RUNX2: variants seen among roughly 807,000 people sequenced by gnomAD.
RUNX2 encodes the protein RUNX family transcription factor 2.
Under a neutral mutation model 51.7 loss-of-function variants are expected in RUNX2, and 10 were observed. The ratio of observed to expected loss-of-function variants is 0.19; its 90% CI spans 0.12 to 0.33. RUNX2 has a LOEUF of 0.33. Among genes scored for constraint, RUNX2 ranks in the 10% least tolerant of loss-of-function variants. RUNX2 has a pLI of 1.00. For synonymous variants in RUNX2, 276 were observed against 273.6 expected, an observed-to-expected ratio of 1.01 and a Z score of -0.09; for missense variants, 562 against 691.3, an observed-to-expected ratio of 0.81 and a Z score of 2.10.
intron 2 of RUNX2, among the ~76,000 whole-genome samples, chr6:45,407,694 C>A (rs1295376407): frequency 1.3e-5 from 2 of 151,894 alleles, no homozygotes; most frequent in Non-Finnish European, 2.9e-5. Context: ...AGACAGAGGT[C>A]TCGCTATGTT....
intron 2 of RUNX2, among the ~76,000 whole-genome samples, chr6:45,350,479 A>C (rs1219546961): frequency 6.6e-6 from 1 of 152,230 alleles, no homozygotes; most frequent in African/African-American, 2.4e-5. Context: ...CAAAGGAAGC[A>C]GGGAATTGGT....
chr6:45,497,358 A>G (rs1464412002), intron 6 of RUNX2, among the ~76,000 whole-genome samples: 1 of 152,154 alleles, frequency 6.6e-6, no homozygotes, highest in African/African-American at 2.4e-5. Context: ...CCCTTCACTC[A>G]GGAGTAGATT....
At chr6:45,424,621 A>G (rs1798334348) in intron 3 of RUNX2, among the ~76,000 whole-genome samples, 1 of 152,120 alleles carries the variant, frequency 6.6e-6, no homozygotes, top group African/African-American at 2.4e-5. Flanking sequence ...GGCCACTGAC[A>G]GTTCCCAGTT....
chr6:45,384,177 T>C (rs1338725169), intron 2 of RUNX2, among the ~76,000 whole-genome samples: 1 of 152,186 alleles, frequency 6.6e-6, no homozygotes, highest in Non-Finnish European at 1.5e-5. Context: ...GGAAGGTTGA[T>C]ATCAGATTTA....
intron 2 of RUNX2, among the ~76,000 whole-genome samples, chr6:45,419,910 G>A (rs780467717): frequency 6.6e-6 from 1 of 152,102 alleles, no homozygotes; most frequent in Non-Finnish European, 1.5e-5. Flanking sequence ...GGCAGGCGGC[G>A]GCTGTGGGGC....
chr6:45,416,470 G>A (rs1798070617), intron 2 of RUNX2, among the ~76,000 whole-genome samples: 1 of 152,192 alleles, frequency 6.6e-6, no homozygotes, highest in Non-Finnish European at 1.5e-5. Flanking sequence ...CAATATGTGA[G>A]CAGCTGGGTA....
intron 5 of RUNX2, among the ~76,000 whole-genome samples, chr6:45,463,235 C>T (rs186428359): frequency 6.6e-6 from 1 of 152,264 alleles, no homozygotes; most frequent in African/African-American, 2.4e-5. Flanking sequence ...AAAATGCATA[C>T]CATTACTCTC....
intron 8 of RUNX2, among the ~76,000 whole-genome samples, 167 bp from the exon 9 acceptor site, chr6:45,546,660 G>A (rs570253312): frequency 1.3e-5 from 2 of 152,100 alleles, no homozygotes; most frequent in African/African-American, 2.4e-5. Context: ...CTGCAAAGTG[G>A]GGGAAAAAGA....
chr6:45,509,334 CTTGTA>C (rs1475171383), intron 6 of RUNX2, among the ~76,000 whole-genome samples: 1 of 152,128 alleles, frequency 6.6e-6, no homozygotes, highest in African/African-American at 2.4e-5. Context: ...ATAGATAGCT[CTTGTA>C]TTTATTATAT....
chr6:45,510,907 A>T (rs1801123626), intron 6 of RUNX2, among the ~76,000 whole-genome samples: 1 of 152,150 alleles, frequency 6.6e-6, no homozygotes, highest in Non-Finnish European at 1.5e-5. Flanking sequence ...TGAGGCTCAG[A>T]GTGACTGAGT....
At chr6:45,453,213 C>G (rs1799224406) in intron 5 of RUNX2, among the ~76,000 whole-genome samples, 1 of 152,182 alleles carries the variant, frequency 6.6e-6, no homozygotes, top group South Asian at 2.1e-4. Flanking sequence ...TAGTGGCCCT[C>G]CTTTTTTGCT....
intron 5 of RUNX2, among the ~76,000 whole-genome samples, chr6:45,474,702 G>T (rs1799906414): frequency 6.6e-6 from 1 of 152,066 alleles, no homozygotes; most frequent in Non-Finnish European, 1.5e-5. Context: ...GAGGAAGAAG[G>T]CAAAATAATC....
chr6:45,387,022 G>C (rs1472568154), intron 2 of RUNX2, among the ~76,000 whole-genome samples: 1 of 152,158 alleles, frequency 6.6e-6, no homozygotes, highest in East Asian at 1.9e-4. Context: ...AGGTGATACG[G>C]GCTAGAGTTA....
At chr6:45,399,386 G>A (rs1797653522) in intron 2 of RUNX2, among the ~76,000 whole-genome samples, 1 of 82,924 alleles carries the variant, frequency 1.2e-5, no homozygotes, top group Non-Finnish European at 2.3e-5. Context: ...TTGAGATGGA[G>A]TCTCGCTCTG....
intron 7 of RUNX2, among the ~76,000 whole-genome samples, chr6:45,524,855 G>C (rs748985738): frequency 6.6e-6 from 1 of 152,196 alleles, no homozygotes; most frequent in Non-Finnish European, 1.5e-5. Context: ...GCTCATGCTT[G>C]TAATTCCAGC....
chr6:45,348,534 G>A (rs995215483), intron 2 of RUNX2, among the ~76,000 whole-genome samples: 5 of 88,480 alleles, frequency 5.7e-5, no homozygotes, highest in African/African-American at 2.3e-4. Context: ...AGTTATCCAG[G>A]TATGGTGGCG....
intron 2 of RUNX2, among the ~76,000 whole-genome samples, chr6:45,397,815 T>C (rs1797615097): frequency 6.6e-6 from 1 of 152,234 alleles, no homozygotes; most frequent in Admixed American, 6.5e-5. Flanking sequence ...ATACTTAATA[T>C]AGTTGGTGCA....
chr6:45,415,701 A>G (rs1225198727), intron 2 of RUNX2, among the ~76,000 whole-genome samples: 1 of 152,210 alleles, frequency 6.6e-6, no homozygotes, highest in Non-Finnish European at 1.5e-5. Flanking sequence ...TGTGAGCACA[A>G]GTTAACCAGG....
rs1294424552 is a variant in RUNX2 at position 45,550,249 on chromosome 6, A to C, written c.*2944A>C. 1 of 152,536 alleles carries C rather than the reference A, an allele frequency of 6.6e-6. No individual in the cohort carries two copies. Among genetic ancestry groups the C allele is most frequent in the Non-Finnish European group, 1.5e-5 (1 of 68,028 alleles). 9.4% of individuals were successfully genotyped at this position (152,536 alleles called of 1,614,324 possible). A position where few individuals can be genotyped will look rare whatever the true frequency, so the allele number is the denominator to read the frequency against. On this transcript the variant is annotated 3_prime_UTR_variant, in exon 9 of 9. Transcript: ENST00000647337. ...CCCATATCAGAGTTCCAGAACAGGT[A>C]CCACAGCTTTGGTTTTAGATTAGTG... is the stretch of plus-strand genomic sequence containing the variant.
Sources: allele counts gnomAD v4.1 joint callset (sites outside exome capture counted in the v4.1 genomes callset), GRCh38; gene constraint gnomAD v4.1.1; transcripts MANE v1.5; gene names NCBI Gene and HGNC (gene_info 2026-07-23, HGNC 2026-07-21).